The following FANCB variants were observed in gnomAD, a reference collection of about 807,000 sequenced individuals.
The protein encoded by FANCB is Fanconi anemia group B protein.
In FANCB, 5 loss-of-function variants were observed where a neutral mutation model predicts 38.9. The ratio of observed to expected loss-of-function variants is 0.13; its 90% CI spans 0.07 to 0.27. The LOEUF is 0.27. FANCB is among the 10% of genes least tolerant of loss of function. The pLI, the probability that FANCB is intolerant of heterozygous loss-of-function variation, is 1.00. For missense variants in FANCB, 573 were observed against 602.7 expected (o/e 0.95, Z 0.52); for synonymous variants, 236 against 215.4 (o/e 1.10, Z -0.84).
chrX:14,820,113 C>A, the FANCB span, among the ~76,000 whole-genome samples: 3 of 111,029 alleles, frequency 2.7e-5, no homozygotes, highest in South Asian at 3.8e-4. Context: ...ACTAACCTAC[C>A]CATCCCTCTT....
chrX:14,843,364 T>C, downstream of FANCB: 1 of 381,559 alleles, frequency 2.6e-6, no homozygotes, highest in Non-Finnish European at 4.5e-6. Context: ...CATAGCCAAA[T>C]GCCCCTTGGG....
chrX:14,767,154 G>A, the FANCB span, among the ~76,000 whole-genome samples: 2 of 111,860 alleles, frequency 1.8e-5, no homozygotes, highest in Admixed American at 9.5e-5. Flanking sequence ...GAACATACAC[G>A]TGCATGTATC....
chrX:14,701,877 C>T, the FANCB span, among the ~76,000 whole-genome samples: 6 of 112,097 alleles, frequency 5.4e-5, 1 homozygote, highest in Non-Finnish European at 9.4e-5. Context: ...AACTAGTGTC[C>T]TTTTTGTGTT....
At chrX:14,714,713 T>C in the FANCB span, among the ~76,000 whole-genome samples, 5 of 112,526 alleles carry the variant, frequency 4.4e-5, no homozygotes, top group Non-Finnish European at 9.4e-5. Context: ...ACATGTGTGA[T>C]CAAGGCAATG....
At chrX:14,708,209 C>G in the FANCB span, among the ~76,000 whole-genome samples, 4 of 111,687 alleles carry the variant, frequency 3.6e-5, no homozygotes, top group African/African-American at 3.3e-5. Context: ...CCATTCTACT[C>G]TCTGCTTCTG....
the FANCB span, among the ~76,000 whole-genome samples, chrX:14,810,796 G>A: frequency 1.4e-4 from 16 of 111,111 alleles, no homozygotes; most frequent in African/African-American, 3.9e-4. Flanking sequence ...CCAACATTCA[G>A]ATTCAGGAAA....
chrX:14,747,136 C>T, the FANCB span, among the ~76,000 whole-genome samples: 5 of 111,919 alleles, frequency 4.5e-5, no homozygotes, highest in African/African-American at 1.6e-4. Context: ...AGATGCCTAC[C>T]CTCCAAAATG....
chrX:14,781,056 C>A, the FANCB span, among the ~76,000 whole-genome samples: 10 of 109,727 alleles, frequency 9.1e-5, no homozygotes, highest in East Asian at 2.0e-3. Context: ...GAGAAAAAAA[C>A]CAACAAAGTA....
At chrX:14,794,693 G>A in the FANCB span, among the ~76,000 whole-genome samples, 2 of 112,109 alleles carry the variant, frequency 1.8e-5, no homozygotes, top group Non-Finnish European at 3.8e-5. Flanking sequence ...TAAATGTGAA[G>A]CCTATGCTTT....
chrX:14,846,922 C>T lies in FANCB; in HGVS notation c.1497-1636G>A, dbSNP rs189372096. On this transcript the variant is annotated intron_variant, in intron 7 of 9. Coordinates refer to ENST00000650831, the MANE Select transcript of FANCB (RefSeq NM_001018113.3). ...CAATTTACAGTCCTTATCTGGCTCA[C>T]GATTTGAAAAAATATTTTTAAATTC... Among the ~76,000 whole-genome samples the T allele has an allele frequency of 2.9e-3, 313 of 109,170 alleles. 1 individual carries two copies. Among genetic ancestry groups the T allele is most frequent in the African/African-American group, 9.3e-3 (279 of 29,996 alleles). The allele number at this position is 109,170 out of a possible 115,157, so 94.8% of individuals were successfully genotyped here. A position where few individuals can be genotyped will look rare whatever the true frequency, so the allele number is the denominator to read the frequency against.
At chrX:14,702,893 C>T in the FANCB span, among the ~76,000 whole-genome samples, 1 of 111,457 alleles carries the variant, frequency 9.0e-6, no homozygotes, top group African/African-American at 3.3e-5. Flanking sequence ...GGCCACCATA[C>T]AGAGAGGAGA....
At chrX:14,788,202 G>A in the FANCB span, among the ~76,000 whole-genome samples, 1 of 109,334 alleles carries the variant, frequency 9.1e-6, no homozygotes, top group Non-Finnish European at 1.9e-5. Context: ...TTAATGGAAA[G>A]GATTTAATGC....
the FANCB span, among the ~76,000 whole-genome samples, chrX:14,749,473 G>A: frequency 9.0e-6 from 1 of 111,442 alleles, no homozygotes; most frequent in African/African-American, 3.3e-5. Flanking sequence ...ATATTGTTAT[G>A]TAGTGTTTAA....
the FANCB span, among the ~76,000 whole-genome samples, chrX:14,775,271 G>A: frequency 3.0e-5 from 3 of 98,809 alleles, no homozygotes; most frequent in African/African-American, 7.6e-5. Flanking sequence ...CCATCTTCGC[G>A]CTTCTATACT....
At chrX:14,848,312 G>T (rs751235390) in intron 7 of FANCB, among the ~76,000 whole-genome samples, 2 of 112,064 alleles carry the variant, frequency 1.8e-5, no homozygotes, top group African/African-American at 6.5e-5. Flanking sequence ...GTGCAGTCAG[G>T]GAGGTTTCAC....
chrX:14,829,411 AAG>A, the FANCB span, among the ~76,000 whole-genome samples: 1 of 111,238 alleles, frequency 9.0e-6, no homozygotes, highest in African/African-American at 3.3e-5. Flanking sequence ...ACTCCCTACC[AAG>A]AGAGTCAGCC....
the FANCB span, among the ~76,000 whole-genome samples, chrX:14,736,718 A>G: frequency 8.0e-5 from 9 of 112,174 alleles, no homozygotes; most frequent in African/African-American, 2.9e-4. Context: ...TTAAATGACA[A>G]TGATAACTTG....
intron 3 of FANCB, among the ~76,000 whole-genome samples, 168 bp downstream of exon 3, chrX:14,864,392 G>T (rs975420733): frequency 2.4e-4 from 27 of 111,414 alleles, no homozygotes; most frequent in African/African-American, 8.5e-4. Flanking sequence ...CCATCAGGTT[G>T]TACTCAGATA....
the FANCB span, among the ~76,000 whole-genome samples, chrX:14,708,444 C>A: frequency 9.0e-6 from 1 of 111,219 alleles, no homozygotes; most frequent in East Asian, 2.8e-4. Flanking sequence ...ATATGTTGCA[C>A]TAACTATATT....
Sources: gnomAD v4.1 joint callset for allele counts (sites outside exome capture counted in the v4.1 genomes callset) on GRCh38, gnomAD v4.1.1 for gene constraint, MANE v1.5 for transcripts, NCBI Gene and HGNC (gene_info 2026-07-23, HGNC 2026-07-21) for gene names.